The following RALYL variants were observed in gnomAD, a reference collection of about 807,000 sequenced individuals.
RALYL encodes the protein RNA-binding Raly-like protein.
Under a neutral mutation model 35.1 loss-of-function variants are expected in RALYL, and 29 were observed. The observed-to-expected ratio is 0.83, with a 90% CI of 0.61 to 1.13. The LOEUF is 1.13. Ranked by LOEUF, RALYL falls within the 50% of genes most tolerant of loss-of-function variation. The pLI is 0.00. For synonymous variants in RALYL, 120 were observed against 127.6 expected (o/e 0.94, Z 0.40); for missense variants, 359 against 360.4 (o/e 1.00, Z 0.03).
At chr8:84,282,652 G>A (rs1199213764) in intron 1 of RALYL, among the ~76,000 whole-genome samples, 1 of 151,726 alleles carries the variant, frequency 6.6e-6, no homozygotes, top group Non-Finnish European at 1.5e-5. Flanking sequence ...AGAGGAGAAT[G>A]CTATGTTGAT....
chr8:84,589,055 G>T (rs1430300514), intron 2 of RALYL, among the ~76,000 whole-genome samples: 1 of 151,886 alleles, frequency 6.6e-6, no homozygotes, highest in Non-Finnish European at 1.5e-5. Flanking sequence ...GCGCCACCAC[G>T]CCCAGCTAAT....
intron 1 of RALYL, among the ~76,000 whole-genome samples, chr8:84,475,086 G>C (rs1364309518): frequency 5.3e-5 from 8 of 151,802 alleles, no homozygotes; most frequent in Admixed American, 5.3e-4. Context: ...ACAGGCCTTG[G>C]TGTGTGATGT....
chr8:84,267,202 G>C (rs908830431), intron 1 of RALYL, among the ~76,000 whole-genome samples: 3 of 152,018 alleles, frequency 2.0e-5, no homozygotes, highest in African/African-American at 7.2e-5. Context: ...TTTCAAATAA[G>C]AAAGAAAAAT....
chr8:84,804,939 T>C, intron 4 of RALYL, 137 bp downstream of exon 4: 1 of 397,398 alleles, frequency 2.5e-6, no homozygotes, highest in Non-Finnish European at 3.9e-6. Context: ...GCTATCTATG[T>C]TTTATAAAGA....
At chr8:84,845,896 T>A (rs562586832) in intron 4 of RALYL, among the ~76,000 whole-genome samples, 1 of 152,214 alleles carries the variant, frequency 6.6e-6, no homozygotes, top group African/African-American at 2.4e-5. Flanking sequence ...GACTAGGGAG[T>A]CCTTTCCTTA....
chr8:84,768,244 C>T, intron 2 of RALYL, among the ~76,000 whole-genome samples: 1 of 152,104 alleles, frequency 6.6e-6, no homozygotes, highest in East Asian at 1.9e-4. Flanking sequence ...GTGTCTGGTC[C>T]CTTCAAGGCC....
intron 3 of RALYL, among the ~76,000 whole-genome samples, chr8:84,784,643 A>G (rs1302564566): frequency 1.3e-5 from 2 of 152,174 alleles, no homozygotes; most frequent in East Asian, 1.9e-4. Context: ...GGTTTTAATT[A>G]TATTAATTAG....
At chr8:84,571,606 C>T (rs942583700) in intron 2 of RALYL, among the ~76,000 whole-genome samples, 1 of 151,494 alleles carries the variant, frequency 6.6e-6, no homozygotes, top group African/African-American at 2.4e-5. Context: ...TGGTCTCAGT[C>T]TCATTTAGTT....
chr8:84,428,077 GTCTCTCTCTCTC>G (rs71271988), intron 1 of RALYL, among the ~76,000 whole-genome samples: 2 of 129,326 alleles, frequency 1.5e-5, no homozygotes, highest in Admixed American at 7.8e-5. Flanking sequence ...CTTGCTCGCT[GTCTCTCTCTCTC>G]TCTCTCTCTC....
At chr8:84,795,488 A>T (rs1821706012) in intron 3 of RALYL, among the ~76,000 whole-genome samples, 1 of 152,198 alleles carries the variant, frequency 6.6e-6, no homozygotes, top group Non-Finnish European at 1.5e-5. Flanking sequence ...TAGAGTGTCA[A>T]ATTCTAAATA....
chr8:84,752,454 T>C (rs916865434), intron 2 of RALYL, among the ~76,000 whole-genome samples: 2 of 152,118 alleles, frequency 1.3e-5, no homozygotes, highest in East Asian at 3.9e-4. Flanking sequence ...CCATTTTCAG[T>C]GGAGGAATTC....
intron 1 of RALYL, among the ~76,000 whole-genome samples, chr8:84,405,289 A>G (rs1273276500): frequency 6.6e-6 from 1 of 152,194 alleles, no homozygotes; most frequent in African/African-American, 2.4e-5. Flanking sequence ...ACACCATAAC[A>G]ATTGAAAGAA....
Position 84,423,163 on chromosome 8 carries a change from G to A in RALYL, c.-23-106136G>A, listed in dbSNP as rs1465342805. 6.9e-3 allele frequency among the ~76,000 whole-genome samples: 1,006 copies of A among 145,726 alleles called. 7 individuals carry two copies. Among genetic ancestry groups the A allele is most frequent in the African/African-American group, 0.025 (897 of 35,578 alleles). On this transcript the variant is annotated intron_variant, in intron 1 of 8. Coordinates refer to ENST00000521268, the MANE Select transcript of RALYL (RefSeq NM_173848.7). Reference sequence around the variant, plus strand: ...TGACAGTGGGGTGTTAAAGTCTCCCGTTATTAATGTGTGGGAGTCTAAGTC... The same window carrying A: ...TGACAGTGGGGTGTTAAAGTCTCCCATTATTAATGTGTGGGAGTCTAAGTC...
intron 2 of RALYL, among the ~76,000 whole-genome samples, chr8:84,744,267 T>G (rs1808090148): frequency 6.6e-6 from 1 of 151,984 alleles, no homozygotes; most frequent in Non-Finnish European, 1.5e-5. Flanking sequence ...GCTCCTCCTG[T>G]CATCCCTAGC....
chr8:84,198,450 C>A (rs1586104184), intron 1 of RALYL, among the ~76,000 whole-genome samples: 1 of 152,116 alleles, frequency 6.6e-6, no homozygotes, highest in Non-Finnish European at 1.5e-5. Context: ...CAATGCATAA[C>A]AATCACATCA....
chr8:84,569,737 T>C (rs1182553464), intron 2 of RALYL, among the ~76,000 whole-genome samples: 1 of 151,936 alleles, frequency 6.6e-6, no homozygotes, highest in Admixed American at 6.6e-5. Context: ...ATTTAAGTCT[T>C]TAATCAATCT....
intron 2 of RALYL, among the ~76,000 whole-genome samples, chr8:84,578,315 G>A (rs1349936536): frequency 6.6e-6 from 1 of 152,252 alleles, no homozygotes; most frequent in African/African-American, 2.4e-5. Flanking sequence ...CAGAAGCTTA[G>A]AGCTGCAACC....
chr8:84,533,444 C>T (rs1419219737), intron 2 of RALYL, among the ~76,000 whole-genome samples: 2 of 152,144 alleles, frequency 1.3e-5, no homozygotes, highest in Admixed American at 6.5e-5. Context: ...CTATTGATTA[C>T]ATTGGCTTGA....
intron 1 of RALYL, among the ~76,000 whole-genome samples, chr8:84,349,892 G>A (rs770104311): frequency 6.7e-6 from 1 of 150,102 alleles, no homozygotes; most frequent in Non-Finnish European, 1.5e-5. Flanking sequence ...CATCATTTTG[G>A]TCATCATTGT....
Sources: allele counts gnomAD v4.1 joint callset (sites outside exome capture counted in the v4.1 genomes callset), GRCh38; gene constraint gnomAD v4.1.1; transcripts MANE v1.5; gene names NCBI Gene and HGNC (gene_info 2026-07-23, HGNC 2026-07-21).